Variants in ANOS1 observed in about 807,000 individuals in gnomAD.
The protein encoded by ANOS1 is anosmin-1.
ANOS1 carries 6 observed loss-of-function variants against 59.0 expected under a neutral mutation model. The observed-to-expected ratio is 0.10, with a 90% CI of 0.06 to 0.20. The LOEUF (loss-of-function observed/expected upper bound fraction) is 0.20, where lower values mean the gene tolerates loss of function less well. ANOS1 is among the 10% of genes least tolerant of loss of function. ANOS1 has a pLI of 1.00. For missense variants in ANOS1, 433 were observed against 542.3 expected, an observed-to-expected ratio of 0.80 and a Z score of 2.00; for synonymous variants, 217 against 223.4, an observed-to-expected ratio of 0.97 and a Z score of 0.25.
At chrX:8,725,667 G>GATATATATATACAGAT (rs1300459350) in intron 1 of ANOS1, among the ~76,000 whole-genome samples, 1 of 31,746 alleles carries the variant, frequency 3.1e-5, no homozygotes, top group Non-Finnish European at 4.8e-5. Context: ...TATATATACA[G>GATATATATATACAGAT]ATATATATAT....
chrX:8,699,561 A>G, intron 2 of ANOS1, 137 bp downstream of exon 2: 1 of 421,817 alleles, frequency 2.4e-6, no homozygotes, highest in East Asian at 5.0e-5. Flanking sequence ...ATTGTTTACA[A>G]TTACTTAAAG....
chrX:8,609,787 C>T (rs1435918239), intron 3 of ANOS1, among the ~76,000 whole-genome samples: 1 of 109,625 alleles, frequency 9.1e-6, no homozygotes, highest in South Asian at 4.0e-4. Flanking sequence ...GCAGGCGGAT[C>T]ACGAGGTCAG....
intron 2 of ANOS1, among the ~76,000 whole-genome samples, chrX:8,644,025 C>G (rs1438460693): frequency 1.8e-5 from 2 of 111,142 alleles, no homozygotes; most frequent in Non-Finnish European, 3.8e-5. Flanking sequence ...AGCTGTGCCC[C>G]GACCACCTTG....
chrX:8,567,508 G>A (rs1178022138), intron 8 of ANOS1, among the ~76,000 whole-genome samples: 1 of 112,210 alleles, frequency 8.9e-6, no homozygotes, highest in Non-Finnish European at 1.9e-5. Flanking sequence ...AAAAATAAGT[G>A]TATTGTATAC....
chrX:8,543,164 G>A (rs1223215216), intron 9 of ANOS1, among the ~76,000 whole-genome samples: 1 of 108,352 alleles, frequency 9.2e-6, no homozygotes, highest in Non-Finnish European at 1.9e-5. Flanking sequence ...GTGAACAAAG[G>A]TATACCAGTT....
At chrX:8,685,557 AGAAGGAAG>A (rs57131589) in intron 2 of ANOS1, among the ~76,000 whole-genome samples, 106 of 91,111 alleles carry the variant, frequency 1.2e-3, no homozygotes, top group Non-Finnish European at 1.8e-3. Context: ...GAAGAAAGAA[AGAAGGAAG>A]GAAGGAAGGA....
intron 2 of ANOS1, among the ~76,000 whole-genome samples, chrX:8,643,592 T>C (rs1193128484): frequency 8.9e-6 from 1 of 112,262 alleles, no homozygotes; most frequent in Non-Finnish European, 1.9e-5. Flanking sequence ...AAATATGTTT[T>C]TTGTTACATT....
At chrX:8,722,221 T>C (rs1321599413) in intron 1 of ANOS1, among the ~76,000 whole-genome samples, 1 of 111,899 alleles carries the variant, frequency 8.9e-6, no homozygotes, top group East Asian at 2.8e-4. Flanking sequence ...TACATTTCTA[T>C]AGGTTTTTGG....
intron 2 of ANOS1, among the ~76,000 whole-genome samples, chrX:8,645,936 TC>T (rs1241967530): frequency 7.3e-5 from 8 of 109,291 alleles, no homozygotes; most frequent in Non-Finnish European, 1.5e-4. Context: ...GAGCCACCAC[TC>T]CTGGCTGTGT....
intron 1 of ANOS1, among the ~76,000 whole-genome samples, chrX:8,700,790 C>T (rs1043640382): frequency 4.5e-5 from 5 of 111,748 alleles, no homozygotes; most frequent in Middle Eastern, 4.2e-3. Flanking sequence ...GGGTGGATCG[C>T]CTGAGGTCAG....
chrX:8,693,033 A>G (rs1932629753), intron 2 of ANOS1, among the ~76,000 whole-genome samples: 2 of 112,484 alleles, frequency 1.8e-5, no homozygotes, highest in African/African-American at 6.5e-5. Context: ...GCTCATTACA[A>G]TATTTTGACT....
In ANOS1 at chrX:8,731,918, G is replaced by A. The variant is rs771284971; in HGVS notation, c.119C>T (p.Ser40Phe). The A allele has an allele frequency of 4.2e-5, 49 of 1,167,902 alleles. No individual in the cohort carries two copies. The highest frequency in any genetic ancestry group is 5.2e-5 in the Non-Finnish European group (46 of 876,251). ...AAARRLDESL[S>F]AGSVQRARCA... ...GCGAGCGCGCTGGACGCTCCCGGCA[G>A]ACAGCGACTCGTCCAGCCGCCGCGC... The change falls in exon 1 of 14, where the codon TCT (serine) becomes TTT (phenylalanine). Residue 40 changes from serine (S) to phenylalanine (F), a missense_variant. Ser to Phe is a radical substitution (Grantham distance 155). Coordinates refer to ENST00000262648, the MANE Select transcript of ANOS1 (RefSeq NM_000216.4).
chrX:8,668,276 TATG>T (rs1172500960), intron 2 of ANOS1, among the ~76,000 whole-genome samples: 1 of 106,742 alleles, frequency 9.4e-6, no homozygotes, highest in African/African-American at 3.4e-5. Flanking sequence ...AGTGAGAATA[TATG>T]ATGTTTAGTT....
intron 9 of ANOS1, among the ~76,000 whole-genome samples, chrX:8,552,202 A>C (rs954122144): frequency 2.7e-5 from 3 of 112,533 alleles, no homozygotes; most frequent in African/African-American, 9.7e-5. Flanking sequence ...AAAATACCAC[A>C]TGACAGAGAG....
At chrX:8,712,156 A>G (rs1932816282) in intron 1 of ANOS1, among the ~76,000 whole-genome samples, 1 of 112,356 alleles carries the variant, frequency 8.9e-6, no homozygotes, top group Non-Finnish European at 1.9e-5. Flanking sequence ...GAAAGGCCAT[A>G]GGGGAAGATT....
chrX:8,568,407 G>A (rs377371748), intron 7 of ANOS1, 31 bp from the exon 8 acceptor site: 11 of 1,173,994 alleles, frequency 9.4e-6, no homozygotes, highest in African/African-American at 1.8e-5. Context: ...CCCAAAATGC[G>A]TTACAAACCT....
Position 8,588,524 on chromosome X carries a change from T to C in ANOS1, c.542-546A>G, listed in dbSNP as rs776708346. 1.9e-3 allele frequency among the ~76,000 whole-genome samples: 208 copies of C among 112,229 alleles called. 2 individuals are homozygous for C. Among genetic ancestry groups the C allele is most frequent in the African/African-American group, 6.6e-3 (205 of 30,947 alleles). ...CAAAATCTCTTCATGTGAAATCTCC[T>C]AAGAGTGATTTCCAAAGTTCAAGTC... On this transcript the variant is annotated intron_variant, in intron 4 of 13. Coordinates refer to ENST00000262648, the MANE Select transcript of ANOS1 (RefSeq NM_000216.4).
At chrX:8,682,952 A>G (rs1438499593) in intron 2 of ANOS1, among the ~76,000 whole-genome samples, 1 of 111,511 alleles carries the variant, frequency 9.0e-6, no homozygotes, top group Admixed American at 9.6e-5. Context: ...CCTCTTAGAA[A>G]TGCAGACTCT....
At chrX:8,548,050 A>C (rs1009048412) in intron 9 of ANOS1, among the ~76,000 whole-genome samples, 3 of 112,528 alleles carry the variant, frequency 2.7e-5, no homozygotes. Context: ...TTTCAAATGA[A>C]AGTTGAACAT....
Sources: gnomAD v4.1 joint callset for allele counts (sites outside exome capture counted in the v4.1 genomes callset) on GRCh38, gnomAD v4.1.1 for gene constraint, MANE v1.5 for transcripts, NCBI Gene and HGNC (gene_info 2026-07-23, HGNC 2026-07-21) for gene names.